The following RBFOX1 variants were observed in gnomAD, a reference collection of about 807,000 sequenced individuals.
RBFOX1 encodes the protein RNA binding protein fox-1 homolog 1.
A neutral mutation model predicts 57.7 loss-of-function variants in RBFOX1; 8 were observed. That is an observed-to-expected ratio of 0.14 (90% confidence interval 0.08 to 0.25). RBFOX1 has a LOEUF of 0.25. RBFOX1 is among the 10% of genes least tolerant of loss of function. The pLI is 1.00. For missense variants in RBFOX1, 611 were observed against 548.5 expected (o/e 1.11, Z -1.14); for synonymous variants, 326 against 222.4 (o/e 1.47, Z -4.15).
intron 1 of RBFOX1, among the ~76,000 whole-genome samples, chr16:6,077,436 T>C (rs1250816199): frequency 6.6e-6 from 1 of 152,192 alleles, no homozygotes; most frequent in Non-Finnish European, 1.5e-5. Flanking sequence ...GAAGTGATAT[T>C]GCGTCACTGC....
intron 3 of RBFOX1, among the ~76,000 whole-genome samples, chr16:6,872,492 G>C (rs956377874): frequency 6.6e-6 from 1 of 152,042 alleles, no homozygotes; most frequent in Non-Finnish European, 1.5e-5. Context: ...TTAGGTTTCA[G>C]GCTTCCCTGA....
chr16:6,815,457 A>T (rs2089861681), intron 3 of RBFOX1, among the ~76,000 whole-genome samples: 1 of 152,154 alleles, frequency 6.6e-6, no homozygotes, highest in African/African-American at 2.4e-5. Flanking sequence ...CACCTCTGAC[A>T]TTCGCAGTGG....
chr16:6,292,016 TA>T, intron 1 of RBFOX1, among the ~76,000 whole-genome samples: 1 of 151,404 alleles, frequency 6.6e-6, no homozygotes, highest in East Asian at 1.9e-4. Context: ...TGTACAGGAG[TA>T]AAAAAAATGG....
chr16:6,940,398 A>C (rs1339480809), intron 3 of RBFOX1, among the ~76,000 whole-genome samples: 1 of 152,180 alleles, frequency 6.6e-6, no homozygotes, highest in Admixed American at 6.5e-5. Context: ...GGAACTTAAC[A>C]ATTCAGGAGC....
intron 3 of RBFOX1, among the ~76,000 whole-genome samples, chr16:6,980,399 G>C (rs571384068): frequency 6.6e-6 from 1 of 152,180 alleles, no homozygotes; most frequent in African/African-American, 2.4e-5. Flanking sequence ...TCCTTCATGA[G>C]AGTTTACTTG....
intron 2 of RBFOX1, among the ~76,000 whole-genome samples, chr16:6,333,517 T>C (rs891602812): frequency 6.6e-6 from 1 of 152,206 alleles, no homozygotes; most frequent in Admixed American, 6.5e-5. Flanking sequence ...CTCACATTCT[T>C]TTCTATCACT....
At chr16:5,712,195 G>C (rs1016834357) in intron 3 of RBFOX1, among the ~76,000 whole-genome samples, 3 of 152,106 alleles carry the variant, frequency 2.0e-5, no homozygotes, top group Non-Finnish European at 4.4e-5. Context: ...CCTTCCACCA[G>C]GTCCCTTCTT....
chr16:6,946,039 A>G (rs973999882), intron 3 of RBFOX1, among the ~76,000 whole-genome samples: 2 of 152,164 alleles, frequency 1.3e-5, no homozygotes, highest in African/African-American at 4.8e-5. Context: ...CAGATGCTTC[A>G]CTGGAAATGT....
intron 3 of RBFOX1, among the ~76,000 whole-genome samples, chr16:6,714,023 T>C (rs545455209): frequency 5.3e-5 from 8 of 152,306 alleles, no homozygotes; most frequent in South Asian, 2.1e-4. Flanking sequence ...GTAATACCCA[T>C]GTGTGGAGGA....
At position 5,665,138 on chromosome 16, in the gene RBFOX1, G is replaced by GGC. The variant is rs766344686; in HGVS notation, c.318+66178_318+66179insCG. On this transcript the variant is annotated intron_variant, in intron 3 of 19. Coordinates refer to the RBFOX1 transcript ENST00000641259. Reference sequence around the variant, plus strand: ...CTTTTTGATATTTTTACATGGGGGGGGGCGGTCTTGCTATATTGCCCAGGC... The same window carrying GGC: ...CTTTTTGATATTTTTACATGGGGGGGGCGGCGGTCTTGCTATATTGCCCAGGC... Among the ~76,000 whole-genome samples, 3 of 147,368 alleles carry GGC rather than the reference G, an allele frequency of 2.0e-5. 1 individual carries two copies. Among genetic ancestry groups the GGC allele is most frequent in the East Asian group, 2.1e-4 (1 of 4,824 alleles).
intron 2 of RBFOX1, among the ~76,000 whole-genome samples, chr16:6,351,183 A>G (rs1289004782): frequency 1.3e-5 from 2 of 151,980 alleles, no homozygotes; most frequent in East Asian, 1.9e-4. Context: ...CATAATCTTT[A>G]TAAGAGAATA....
chr16:7,468,995 G>A (rs1342910431), intron 4 of RBFOX1, among the ~76,000 whole-genome samples: 1 of 151,838 alleles, frequency 6.6e-6, no homozygotes, highest in Admixed American at 6.6e-5. Flanking sequence ...GTGCAGTGTT[G>A]CCATCTCGGC....
chr16:6,089,064 T>C (rs2096130802), intron 1 of RBFOX1, among the ~76,000 whole-genome samples: 1 of 81,458 alleles, frequency 1.2e-5, no homozygotes, highest in African/African-American at 5.6e-5. Context: ...AAACTCTGTC[T>C]CAAAAAAAAA....
chr16:7,373,507 C>A (rs553595010), intron 4 of RBFOX1, among the ~76,000 whole-genome samples: 2 of 152,188 alleles, frequency 1.3e-5, no homozygotes, highest in Non-Finnish European at 1.5e-5. Flanking sequence ...AATCTCCAGT[C>A]CCTTGTAATA....
intron 4 of RBFOX1, among the ~76,000 whole-genome samples, chr16:7,342,553 A>G (rs2096918505): frequency 6.6e-6 from 1 of 152,078 alleles, no homozygotes; most frequent in African/African-American, 2.4e-5. Context: ...GTTCATTTTG[A>G]TAAATCGAGA....
intron 3 of RBFOX1, among the ~76,000 whole-genome samples, chr16:6,847,034 C>T (rs969639756): frequency 6.6e-6 from 1 of 152,074 alleles, no homozygotes; most frequent in African/African-American, 2.4e-5. Context: ...CCCACAGCTG[C>T]AAAATAGATT....
chr16:6,417,023 T>G (rs746089229), intron 2 of RBFOX1, among the ~76,000 whole-genome samples: 18 of 152,244 alleles, frequency 1.2e-4, no homozygotes, highest in Non-Finnish European at 1.8e-4. Context: ...TTTCTTTTTA[T>G]TTTTTTGAGA....
chr16:6,898,104 A>G (rs1438130521), intron 3 of RBFOX1, among the ~76,000 whole-genome samples: 1 of 152,212 alleles, frequency 6.6e-6, no homozygotes, highest in Non-Finnish European at 1.5e-5. Flanking sequence ...GAACCGAGTA[A>G]ATTCCACACC....
rs12596066 is a variant in RBFOX1 at position 6,256,203 on chromosome 16, G to A, written c.-126-60792G>A. ...TATATATACGTATATATATGTATAT[G>A]TATATGTGTATATATATGTATATAT... On this transcript the variant is annotated intron_variant, in intron 1 of 15. Coordinates refer to ENST00000550418, the MANE Select transcript of RBFOX1 (RefSeq NM_018723.4). Among the ~76,000 whole-genome samples the A allele has an allele frequency of 6.9e-3, 281 of 40,706 alleles. 3 individuals carry two copies. The highest frequency in any genetic ancestry group is 0.016 in the African/African-American group (210 of 13,212). 26.7% of individuals were successfully genotyped at this position (40,706 alleles called of 152,430 possible). A position where few individuals can be genotyped will look rare whatever the true frequency, so the allele number is the denominator to read the frequency against.
Sources: gnomAD v4.1 joint callset for allele counts (sites outside exome capture counted in the v4.1 genomes callset) on GRCh38, gnomAD v4.1.1 for gene constraint, MANE v1.5 for transcripts, NCBI Gene and HGNC (gene_info 2026-07-23, HGNC 2026-07-21) for gene names.